TEC: variants seen among roughly 807,000 people sequenced by gnomAD.
TEC encodes tyrosine-protein kinase Tec.
Under a neutral mutation model 93.0 loss-of-function variants are expected in TEC, and 72 were observed. The observed-to-expected ratio is 0.77, with a 90% CI of 0.64 to 0.94. TEC has a LOEUF of 0.94. Among genes scored for constraint, TEC ranks in the 40% least tolerant of loss-of-function variants. The pLI is 0.00. For missense variants in TEC, 630 were observed against 757.9 expected, an observed-to-expected ratio of 0.83 and a Z score of 1.98; for synonymous variants, 249 against 247.7, an observed-to-expected ratio of 1.01 and a Z score of -0.05.
At chr4:48,225,224 G>A (rs1723407714) in intron 2 of TEC, among the ~76,000 whole-genome samples, 1 of 151,886 alleles carries the variant, frequency 6.6e-6, no homozygotes, top group Non-Finnish European at 1.5e-5. Context: ...TACCCAGGCT[G>A]GAGTGCGTGG....
chr4:48,172,830 TTCAC>T (rs1317814196), intron 3 of TEC, among the ~76,000 whole-genome samples: 4 of 152,154 alleles, frequency 2.6e-5, no homozygotes, highest in Admixed American at 6.5e-5. Flanking sequence ...CTCCATGATT[TTCAC>T]ATTTATGCAG....
intron 8 of TEC, among the ~76,000 whole-genome samples, chr4:48,157,026 T>C (rs1021125007): frequency 6.6e-6 from 1 of 152,244 alleles, no homozygotes; most frequent in East Asian, 1.9e-4. Flanking sequence ...TATAACATTA[T>C]AGGATATTTT....
At chr4:48,144,984 C>A in intron 14 of TEC, 95 bp downstream of exon 14, 1 of 1,097,418 alleles carries the variant, frequency 9.1e-7, no homozygotes. Flanking sequence ...TTGTTAAGAA[C>A]AAAAATTGGC....
chr4:48,197,884 G>A (rs1286807607), intron 2 of TEC, among the ~76,000 whole-genome samples: 1 of 152,088 alleles, frequency 6.6e-6, no homozygotes, highest in Non-Finnish European at 1.5e-5. Flanking sequence ...TAGCAGACAG[G>A]GTTCCCCACT....
intron 2 of TEC, among the ~76,000 whole-genome samples, chr4:48,181,543 C>T (rs544114491): frequency 2.2e-3 from 328 of 149,736 alleles, no homozygotes; most frequent in South Asian, 6.2e-3. Context: ...CATGGTGGTG[C>T]GCACCTGTAG....
intron 2 of TEC, among the ~76,000 whole-genome samples, chr4:48,216,124 C>G (rs1723069835): frequency 6.6e-6 from 1 of 152,084 alleles, no homozygotes; most frequent in Non-Finnish European, 1.5e-5. Flanking sequence ...CACTAAGTCC[C>G]CTTTCACCCC....
intron 2 of TEC, among the ~76,000 whole-genome samples, chr4:48,211,860 GGCC>G (rs1293773022): frequency 6.6e-6 from 1 of 152,028 alleles, no homozygotes; most frequent in Admixed American, 6.6e-5. Context: ...CACTTTGGGA[GGCC>G]GAGGTAGGTG....
chr4:48,138,844 C>T (rs1429991633), intron 16 of TEC, 22 bp from the exon 17 acceptor site: 1 of 1,613,262 alleles, frequency 6.2e-7, no homozygotes, highest in African/African-American at 1.3e-5. Context: ...TAAGGATTAC[C>T]AAATGGATGT....
At chr4:48,179,291 C>T (rs1245843435) in intron 2 of TEC, among the ~76,000 whole-genome samples, 1 of 130,956 alleles carries the variant, frequency 7.6e-6, no homozygotes, top group Non-Finnish European at 1.6e-5. Context: ...CCCAAGTTTA[C>T]TTGTGGAACA....
chr4:48,172,366 G>T (rs1721148415), intron 3 of TEC, among the ~76,000 whole-genome samples: 1 of 151,880 alleles, frequency 6.6e-6, no homozygotes, highest in Non-Finnish European at 1.5e-5. Context: ...CTCTTTCATT[G>T]ATAAATGGTT....
chr4:48,258,678 A>T (rs1724410359), intron 1 of TEC, among the ~76,000 whole-genome samples: 1 of 152,166 alleles, frequency 6.6e-6, no homozygotes, highest in African/African-American at 2.4e-5. Flanking sequence ...TGATTTTCAA[A>T]AATATTTTTC....
At chr4:48,189,524 C>G (rs1722019084) in intron 2 of TEC, among the ~76,000 whole-genome samples, 1 of 152,158 alleles carries the variant, frequency 6.6e-6, no homozygotes, top group African/African-American at 2.4e-5. Flanking sequence ...CAGAAATAGA[C>G]AATGGATTTT....
At chr4:48,169,664 T>C (rs1164545378) in intron 5 of TEC, among the ~76,000 whole-genome samples, 2 of 152,226 alleles carry the variant, frequency 1.3e-5, no homozygotes, top group African/African-American at 4.8e-5. Context: ...ATGGGTGTCC[T>C]ACTACAGCAC....
At chr4:48,208,010 C>T (rs1017792651) in intron 2 of TEC, among the ~76,000 whole-genome samples, 7 of 152,108 alleles carry the variant, frequency 4.6e-5, no homozygotes, top group African/African-American at 1.4e-4. Context: ...CCACACCTAC[C>T]GATGAGGACC....
chr4:48,144,833 T>A (rs1408096659), intron 14 of TEC, among the ~76,000 whole-genome samples: 2 of 152,212 alleles, frequency 1.3e-5, no homozygotes, highest in Non-Finnish European at 2.9e-5. Context: ...TCTCATGGGA[T>A]TCTTATGGAG....
intron 2 of TEC, among the ~76,000 whole-genome samples, chr4:48,195,005 C>T (rs1240825590): frequency 2.0e-5 from 3 of 152,116 alleles, no homozygotes; most frequent in Admixed American, 1.3e-4. Flanking sequence ...TGACTGAGTG[C>T]TTGATGATAT....
chr4:48,187,440 A>G (rs1721927960), intron 2 of TEC, among the ~76,000 whole-genome samples: 1 of 152,042 alleles, frequency 6.6e-6, no homozygotes, highest in Non-Finnish European at 1.5e-5. Context: ...ATACTAAAAA[A>G]AAAAAAAAAA....
At chr4:48,164,245 TATAGA>T (rs1425230550) in intron 7 of TEC, among the ~76,000 whole-genome samples, 1 of 152,212 alleles carries the variant, frequency 6.6e-6, no homozygotes, top group Non-Finnish European at 1.5e-5. Flanking sequence ...CAATAGTTCT[TATAGA>T]ATAGTTTCAC....
chr4:48,146,177 G>T, intron 12 of TEC, 148 bp downstream of exon 12: 1 of 621,712 alleles, frequency 1.6e-6, no homozygotes. Context: ...AGGCTGCTAT[G>T]GTCTTAAGTA....
Sources: allele counts gnomAD v4.1 joint callset (sites outside exome capture counted in the v4.1 genomes callset), GRCh38; gene constraint gnomAD v4.1.1; transcripts MANE v1.5; gene names NCBI Gene and HGNC (gene_info 2026-07-23, HGNC 2026-07-21).